SIGLEC12: variants seen among roughly 807,000 people sequenced by gnomAD.
The protein encoded by SIGLEC12 is sialic acid-binding Ig-like lectin 12.
In SIGLEC12, 43 loss-of-function variants were observed where a neutral mutation model predicts 54.1. The ratio of observed to expected loss-of-function variants is 0.80; its 90% CI spans 0.62 to 1.03. The LOEUF is 1.03. Ranked by LOEUF, SIGLEC12 falls within the 50% of genes least tolerant of loss-of-function variation. SIGLEC12 has a pLI of 0.00. For missense variants in SIGLEC12, 802 were observed against 735.2 expected (o/e 1.09, Z -1.05); for synonymous variants, 357 against 307.6 (o/e 1.16, Z -1.68).
chr19:51,499,419 G>T lies in SIGLEC12; in HGVS notation c.1087+19C>A. 2 of 1,553,484 alleles carry T rather than the reference G, an allele frequency of 1.3e-6. No homozygotes were observed. Among genetic ancestry groups the T allele is most frequent in the Non-Finnish European group, 1.7e-6 (2 of 1,153,460 alleles). ...AGGAATCCCGATCAAAGACCCAGAC[G>T]TCCTGGCCCAGAACTCACAGGATAT... On this transcript the variant is annotated intron_variant, in intron 3 of 7. Transcript: ENST00000291707.
At position 51,501,780 on chromosome 19, in the gene SIGLEC12, A is replaced by G; in HGVS notation, c.-47T>C. The G allele has an allele frequency of 6.6e-7, 1 of 1,522,876 alleles. No individual in the cohort carries two copies. Among genetic ancestry groups the G allele is most frequent in the Non-Finnish European group, 8.8e-7 (1 of 1,133,208 alleles). 94.3% of individuals were successfully genotyped at this position (1,522,876 alleles called of 1,614,324 possible). A position where few individuals can be genotyped will look rare whatever the true frequency, so the allele number is the denominator to read the frequency against. ...GGTTGCTGAGGTAAGTCTGTTCCTC[A>G]GGGTTCTTCTCTCAGGAACTGAGAA... On this transcript the variant is annotated 5_prime_UTR_variant, in exon 1 of 8. Coordinates refer to ENST00000291707, the MANE Select transcript of SIGLEC12 (RefSeq NM_053003.4).
At chr19:51,492,014 C>T (rs1309685187) in intron 7 of SIGLEC12, among the ~76,000 whole-genome samples, 185 bp from the exon 8 acceptor site, 1 of 152,198 alleles carries the variant, frequency 6.6e-6, no homozygotes, top group East Asian at 1.9e-4. Flanking sequence ...GTTTACTAAT[C>T]TCATTAACTT....
chr19:51,497,292 A>T (rs28501668), intron 6 of SIGLEC12, 57 bp downstream of exon 6: 11 of 1,499,492 alleles, frequency 7.3e-6, no homozygotes, highest in African/African-American at 1.4e-5. Context: ...GGCTTCAGGG[A>T]TTTTGTTCCC....
In SIGLEC12 at chr19:51,500,414, G is replaced by A. The variant is rs1347319963; in HGVS notation, c.428-114C>T. 67 of 1,581,724 alleles carry A rather than the reference G, an allele frequency of 4.2e-5. No homozygotes were observed. In the Admixed American group the frequency reaches 1.2e-3, roughly 29 times the overall value. On this transcript the variant is annotated intron_variant, in intron 1 of 7. Coordinates refer to ENST00000291707, the MANE Select transcript of SIGLEC12 (RefSeq NM_053003.4). ...TTCCTGGGCTCCCTGTGTGAGCAGA[G>A]AAGGGGGAGGGAGAGGAGGGGCAGG...
In SIGLEC12 at chr19:51,499,936, G is replaced by C; in HGVS notation, c.792C>G (p.Leu264=). Residue 264 remains leucine, a synonymous_variant, in exon 2 of 8, where the codon CTC becomes CTG. Transcript: ENST00000291707. ...SRKWNYIYDK[L]SVHVTALTHM... ...GAGATTTACCTGTCACATGCACAGA[G>C]AGCTTGTCATATATGTAGTTCCATT... 6.2e-7 allele frequency: 1 copy of C among 1,612,196 alleles called. No individual in the cohort carries two copies. Among genetic ancestry groups the C allele is most frequent in the Non-Finnish European group, 8.5e-7 (1 of 1,178,886 alleles).
Position 51,498,151 on chromosome 19 carries a change from C to T in SIGLEC12, c.1272G>A (p.Gln424=), listed in dbSNP as rs763667252. 19 of 1,614,142 alleles carry T rather than the reference C, an allele frequency of 1.2e-5. No individual in the cohort carries two copies. The Admixed American group carries it at 1.5e-4, about 13-fold the overall frequency. ...GCTCCAGCACCCCAAGGTTCGAGGA[C>T]TGTGAGGGGCTCAGGGTCAGGCTCC... ...TWGSLTLSPS[Q]SSNLGVLELP... is the part of the protein sequence containing the mutation. The change falls in exon 5 of 8, where the codon CAG becomes CAA. Residue 424 remains glutamine, a synonymous_variant. Coordinates refer to ENST00000291707, the MANE Select transcript of SIGLEC12 (RefSeq NM_053003.4).
chr19:51,496,992 A>G lies in SIGLEC12; in HGVS notation c.1503-16T>C. On this transcript the variant is annotated splice_polypyrimidine_tract_variant and intron_variant, in intron 6 of 7. Coordinates refer to ENST00000291707, the MANE Select transcript of SIGLEC12 (RefSeq NM_053003.4). ...GGACCTCACTCTGAGTGAAGAGACC[A>G]GAGAGCCTTTCAGTGTGGTCAGATC... 1 of 1,612,782 alleles carries G rather than the reference A, an allele frequency of 6.2e-7. No individual in the cohort carries two copies. The highest frequency in any genetic ancestry group is 2.2e-5 in the East Asian group (1 of 44,874).
chr19:51,497,221 C>G (rs978629258), intron 6 of SIGLEC12, 128 bp downstream of exon 6: 7 of 936,104 alleles, frequency 7.5e-6, no homozygotes, highest in Non-Finnish European at 1.2e-5. Context: ...TTACCATGCA[C>G]CCATGACCTC....
Position 51,501,388 on chromosome 19 carries a change from C to T in SIGLEC12, c.346G>A (p.Ala116Thr), listed in dbSNP as rs1990390884. 1.9e-6 allele frequency: 3 copies of T among 1,614,096 alleles called. No homozygotes were observed. Among genetic ancestry groups the T allele is most frequent in the Non-Finnish European group, 2.5e-6 (3 of 1,180,050 alleles). Residue 116 changes from alanine to threonine, a missense_variant, in exon 1 of 8, where the codon GCA (alanine) becomes ACA (threonine). Ala to Thr is a moderately conservative substitution (Grantham distance 58). Coordinates refer to ENST00000291707, the MANE Select transcript of SIGLEC12 (RefSeq NM_053003.4). The stretch of plus-strand genomic sequence containing the variant: ...TCTACACAAAAGACGTATGTCCCTG[C>T]ATCACTCTCTCTGGTGTCTCTGATG... ...LSIRDTRESD[A>T]GTYVFCVERG...
At chr19:51,498,342 G>C (rs1238444507) in intron 4 of SIGLEC12, 55 bp from the exon 5 acceptor site, 2 of 1,455,576 alleles carry the variant, frequency 1.4e-6, no homozygotes, top group Admixed American at 4.3e-5. Context: ...AGGCAGGGAG[G>C]AAGGATACAG....
Position 51,500,105 on chromosome 19 carries a change from G to A in SIGLEC12, c.623C>T (p.Pro208Leu), listed in dbSNP as rs1398668276. The change falls in exon 2 of 8, where the codon CCA becomes CTA. Residue 208 changes from proline to leucine, a missense_variant. Pro to Leu is a moderately conservative substitution (Grantham distance 98, BLOSUM62 -3). Transcript: ENST00000291707. The part of the protein sequence containing the change: ...PWDIPVATNT[P>L]SGKVQEDTHG... ...GGTATCCTCTTGCACTTTTCCACTT[G>A]GGGTGTTTGTGGCCACTGGAATATC... is the stretch of plus-strand genomic sequence containing the variant. 15 of 1,614,002 alleles carry A rather than the reference G, an allele frequency of 9.3e-6. No individual in the cohort carries two copies. The East Asian group carries it at 1.8e-4, about 19-fold the overall frequency.
chr19:51,499,195 C>A lies in SIGLEC12; in HGVS notation c.1110G>T (p.Met370Ile), dbSNP rs1167449167. Residue 370 changes from methionine to isoleucine, a missense_variant, in exon 4 of 8, where the codon ATG (methionine) becomes ATT (isoleucine). By Grantham distance (10) the Met-to-Ile change is conservative. Coordinates refer to ENST00000291707, the MANE Select transcript of SIGLEC12 (RefSeq NM_053003.4). ...NISYPPQNLT[M>I]TVFQGDGTAS... is the part of the protein sequence containing the mutation. ...CTGTGCCATCTCCTTGGAAGACAGT[C>A]ATGGTCAAGTTCTGAGGAGGATCTG... 11 of 1,613,968 alleles carry A rather than the reference C, an allele frequency of 6.8e-6. No homozygotes were observed. Among genetic ancestry groups the A allele is most frequent in the Non-Finnish European group, 9.3e-6 (11 of 1,179,966 alleles).
chr19:51,498,408 G>T, intron 4 of SIGLEC12, 121 bp from the exon 5 acceptor site: 1 of 785,232 alleles, frequency 1.3e-6, no homozygotes, highest in Non-Finnish European at 2.0e-6. Flanking sequence ...AGGGACATAT[G>T]CACGTTCACT....
chr19:51,501,467 A>C lies in SIGLEC12; in HGVS notation c.267T>G (p.Thr89=). The change falls in exon 1 of 8, where the codon ACT becomes ACG. Residue 89 remains threonine, a synonymous_variant. Coordinates refer to ENST00000291707, the MANE Select transcript of SIGLEC12 (RefSeq NM_053003.4). ...NNPARAVQEE[T]RDRFHLLGDP... ...CCCCAAGGAGGTGGAATCGGTCCCG[A>C]GTCTCCTCCTGCACTGCTCGAGCTG... The C allele has an allele frequency of 6.2e-7, 1 of 1,614,100 alleles. No homozygotes were observed. Among genetic ancestry groups the C allele is most frequent in the Non-Finnish European group, 8.5e-7 (1 of 1,180,024 alleles).
At position 51,491,399 on chromosome 19, in the gene SIGLEC12, A is replaced by G; in HGVS notation, c.*242T>C. ...CTATATTTGGAACCTAAAATAGTCG[A>G]CCTCAGAGAAGTAGAGAAGAGAATG... On this transcript the variant is annotated 3_prime_UTR_variant, in exon 8 of 8. Transcript: ENST00000291707. 1 of 509,244 alleles carries G rather than the reference A, an allele frequency of 2.0e-6. No individual in the cohort carries two copies. Among genetic ancestry groups the G allele is most frequent in the South Asian group, 2.3e-5 (1 of 43,234 alleles). The allele number at this position is 509,244 out of a possible 1,614,324, so 31.5% of individuals were successfully genotyped here.
chr19:51,500,530 T>G, intron 1 of SIGLEC12: 3 of 215,530 alleles, frequency 1.4e-5, no homozygotes, highest in Non-Finnish European at 2.4e-5. Flanking sequence ...TAGGAACTCA[T>G]TCCCTCTGCA....
chr19:51,491,732 G>C lies in SIGLEC12; in HGVS notation c.1697C>G (p.Ala566Gly), dbSNP rs756835121. 1 of 1,613,496 alleles carries C rather than the reference G, an allele frequency of 6.2e-7. No individual in the cohort carries two copies. Among genetic ancestry groups the C allele is most frequent in the Non-Finnish European group, 8.5e-7 (1 of 1,179,570 alleles). Residue 566 changes from alanine (A) to glycine (G), a missense_variant, in exon 8 of 8, where the codon GCA becomes GGA. Physicochemically the swap from Ala to Gly is moderately conservative, Grantham distance 60. Transcript: ENST00000291707. ...PSPEEGEIQY[A>G]SLSFHKARPQ... ...CCTCGCTTTGTGGAAGCTGAGGGAT[G>C]CATACTGGATCTCTCCTTCCTCTGG...
Position 51,501,466 on chromosome 19 carries a change from G to T in SIGLEC12, c.268C>A (p.Arg90=), listed in dbSNP as rs763705267. 9 of 1,614,082 alleles carry T rather than the reference G, an allele frequency of 5.6e-6. No individual in the cohort carries two copies. The highest frequency in any genetic ancestry group is 7.6e-6 in the Non-Finnish European group (9 of 1,180,046). Residue 90 remains arginine, a synonymous_variant, in exon 1 of 8, where the codon CGG becomes AGG. Coordinates refer to ENST00000291707, the MANE Select transcript of SIGLEC12 (RefSeq NM_053003.4). ...NPARAVQEET[R]DRFHLLGDPQ... is the part of the protein sequence containing the mutation. Reference sequence around the variant, plus strand: ...TCCCCAAGGAGGTGGAATCGGTCCCGAGTCTCCTCCTGCACTGCTCGAGCT... The same window carrying T: ...TCCCCAAGGAGGTGGAATCGGTCCCTAGTCTCCTCCTGCACTGCTCGAGCT...
rs1432858460 is a variant in SIGLEC12 at position 51,497,372 on chromosome 19, C to G, written c.1479G>C (p.Leu493=). 1.9e-6 allele frequency: 3 copies of G among 1,613,170 alleles called. No individual in the cohort carries two copies. The highest frequency in any genetic ancestry group is 2.2e-5 in the South Asian group (2 of 91,058). ...ACACAACGAAGATGATGCAGAAGTA[C>G]AGGAAGACCAGGGCTGTGGCTCCAG... ...GGAGATALVF[L]YFCIIFVVVR... Residue 493 remains leucine, a synonymous_variant, in exon 6 of 8, where the codon CTG becomes CTC. Coordinates refer to ENST00000291707, the MANE Select transcript of SIGLEC12 (RefSeq NM_053003.4).
Sources: gnomAD v4.1 joint callset for allele counts (sites outside exome capture counted in the v4.1 genomes callset) on GRCh38, gnomAD v4.1.1 for gene constraint, MANE v1.5 for transcripts, NCBI Gene and HGNC (gene_info 2026-07-23, HGNC 2026-07-21) for gene names.